TMEM200A: variants seen among roughly 807,000 people sequenced by gnomAD.
The protein encoded by TMEM200A is transmembrane protein 200A, also known as two transmembrane C.
TMEM200A carries 12 observed loss-of-function variants against 24.3 expected under a neutral mutation model. That is an observed-to-expected ratio of 0.49 (90% CI 0.32 to 0.80). The LOEUF (loss-of-function observed/expected upper bound fraction) is 0.80. TMEM200A is among the 30% of genes least tolerant of loss of function. The pLI is 0.04. For missense variants in TMEM200A, 545 were observed against 614.4 expected (o/e 0.89, Z 1.19); for synonymous variants, 224 against 224.4 (o/e 1.00, Z 0.02).
At chr6:130,408,912 C>T (rs1227482335) in intron 2 of TMEM200A, among the ~76,000 whole-genome samples, 1 of 152,088 alleles carries the variant, frequency 6.6e-6, no homozygotes, top group Non-Finnish European at 1.5e-5. Context: ...ACATCTGATC[C>T]ACTGCAGCAT....
At chr6:130,379,065 C>T (rs1236843017) in intron 1 of TMEM200A, among the ~76,000 whole-genome samples, 1 of 152,170 alleles carries the variant, frequency 6.6e-6, no homozygotes, top group African/African-American at 2.4e-5. Context: ...TGGCATTACT[C>T]CATCCATGAG....
At chr6:130,371,325 A>G (rs1778317247) in intron 1 of TMEM200A, among the ~76,000 whole-genome samples, 1 of 152,218 alleles carries the variant, frequency 6.6e-6, no homozygotes, top group African/African-American at 2.4e-5. Flanking sequence ...CATACTTTAA[A>G]GTTATTATAT....
At chr6:130,370,590 A>T (rs1181573768) in intron 1 of TMEM200A, among the ~76,000 whole-genome samples, 2 of 152,210 alleles carry the variant, frequency 1.3e-5, no homozygotes, top group Non-Finnish European at 2.9e-5. Flanking sequence ...GAAGCAACTC[A>T]GGTGCCCAAG....
rs559500550 is a variant in TMEM200A at position 130,410,171 on chromosome 6, T to A, written c.-17+24935T>A. ...GGTGTTCCTGTGATCAGAGTTTCTT[T>A]GTGAGTTTTCTGTGAGTGGGAATTC... On this transcript the variant is annotated intron_variant, in intron 2 of 2. Transcript: ENST00000296978. Among the ~76,000 whole-genome samples the A allele has an allele frequency of 3.0e-3, 454 of 152,304 alleles. 1 individual carries two copies. Among genetic ancestry groups the A allele is most frequent in the Non-Finnish European group, 5.4e-3 (364 of 68,018 alleles).
At chr6:130,417,174 C>T (rs1461062745) in intron 2 of TMEM200A, among the ~76,000 whole-genome samples, 1 of 151,826 alleles carries the variant, frequency 6.6e-6, no homozygotes, top group Non-Finnish European at 1.5e-5. Flanking sequence ...TCATTTTATC[C>T]CTGGGCCCCT....
At chr6:130,417,773 G>A (rs1779492039) in intron 2 of TMEM200A, among the ~76,000 whole-genome samples, 1 of 152,110 alleles carries the variant, frequency 6.6e-6, no homozygotes, top group Non-Finnish European at 1.5e-5. Flanking sequence ...AACTTCTTAA[G>A]GAAAGACCTT....
intron 2 of TMEM200A, chr6:130,438,457 TA>T: frequency 6.6e-6 from 1 of 152,340 alleles, no homozygotes; most frequent in Non-Finnish European, 1.5e-5. Context: ...TTGTGGAACT[TA>T]AAATATCTTC....
chr6:130,387,639 G>A lies in TMEM200A; in HGVS notation c.-17+2403G>A, dbSNP rs113458124. Among the ~76,000 whole-genome samples, 44 of 152,210 alleles carry A rather than the reference G, an allele frequency of 2.9e-4. 1 individual carries two copies. The highest frequency in any genetic ancestry group is 9.6e-4 in the African/African-American group (40 of 41,522). ...TGTTTGAATGCAATCATGTGGACTT[G>A]GCCACATGGCTTCTTAAGTCTTGTT... On this transcript the variant is annotated intron_variant, in intron 2 of 2. Coordinates refer to ENST00000296978, the MANE Select transcript of TMEM200A (RefSeq NM_001258277.2).
At chr6:130,374,119 T>G (rs551275616) in intron 1 of TMEM200A, among the ~76,000 whole-genome samples, 1 of 152,238 alleles carries the variant, frequency 6.6e-6, no homozygotes, top group Non-Finnish European at 1.5e-5. Context: ...CATATCCTGT[T>G]TGGGGACTCT....
intron 1 of TMEM200A, among the ~76,000 whole-genome samples, chr6:130,374,836 G>C (rs1311245760): frequency 6.6e-6 from 1 of 152,128 alleles, no homozygotes; most frequent in Non-Finnish European, 1.5e-5. Context: ...CTTTTCCAAA[G>C]AAAATTCAAC....
chr6:130,377,744 AT>A (rs1320751396), intron 1 of TMEM200A, among the ~76,000 whole-genome samples: 3 of 152,236 alleles, frequency 2.0e-5, no homozygotes, highest in Non-Finnish European at 4.4e-5. Flanking sequence ...CACTGGAAAT[AT>A]AATCTGAAAC....
chr6:130,435,325 T>A (rs1779976017), intron 2 of TMEM200A, among the ~76,000 whole-genome samples: 1 of 152,104 alleles, frequency 6.6e-6, no homozygotes, highest in Admixed American at 6.6e-5. Flanking sequence ...AAAATCATGA[T>A]CTCTTTTTGA....
At chr6:130,438,041 A>G (rs1287998859) in intron 2 of TMEM200A, 1 of 152,186 alleles carries the variant, frequency 6.6e-6, no homozygotes, top group African/African-American at 2.4e-5. Context: ...AGCCTGCCAT[A>G]TGGAAATAAC....
At chr6:130,408,038 G>A (rs1021839391) in intron 2 of TMEM200A, among the ~76,000 whole-genome samples, 1 of 152,164 alleles carries the variant, frequency 6.6e-6, no homozygotes, top group South Asian at 2.1e-4. Context: ...GGCATGCAAA[G>A]GTTGGTAAAG....
At chr6:130,398,604 G>C (rs1036798973) in intron 2 of TMEM200A, among the ~76,000 whole-genome samples, 3 of 152,070 alleles carry the variant, frequency 2.0e-5, no homozygotes, top group Non-Finnish European at 4.4e-5. Context: ...ACCACCAGTA[G>C]TGTATAACTG....
At chr6:130,436,662 T>TTC (rs1408022765) in intron 2 of TMEM200A, among the ~76,000 whole-genome samples, 1 of 128,278 alleles carries the variant, frequency 7.8e-6, no homozygotes, top group Non-Finnish European at 1.6e-5. Flanking sequence ...TTTTTTTTTT[T>TTC]CAGAGAGACA....
At chr6:130,411,667 A>G (rs1404921966) in intron 2 of TMEM200A, among the ~76,000 whole-genome samples, 1 of 152,184 alleles carries the variant, frequency 6.6e-6, no homozygotes, top group Non-Finnish European at 1.5e-5. Flanking sequence ...CAGTTATTTC[A>G]TAGAGTGTCT....
intron 2 of TMEM200A, among the ~76,000 whole-genome samples, chr6:130,413,939 T>C (rs536247455): frequency 1.3e-5 from 2 of 152,306 alleles, no homozygotes; most frequent in Middle Eastern, 3.4e-3. Flanking sequence ...ATTCTCACAC[T>C]AGAATTAAAA....
chr6:130,377,098 A>G (rs1449131565), intron 1 of TMEM200A, among the ~76,000 whole-genome samples: 1 of 152,228 alleles, frequency 6.6e-6, no homozygotes, highest in Non-Finnish European at 1.5e-5. Context: ...TAAGAGCATA[A>G]CAAGCTTTTC....
Sources: gnomAD v4.1 joint callset for allele counts (sites outside exome capture counted in the v4.1 genomes callset) on GRCh38, gnomAD v4.1.1 for gene constraint, MANE v1.5 for transcripts, NCBI Gene and HGNC (gene_info 2026-07-23, HGNC 2026-07-21) for gene names.